CENPF: variants seen among roughly 807,000 people sequenced by gnomAD.
The protein encoded by CENPF is centromere protein F, also known as AH antigen.
CENPF carries 214 observed loss-of-function variants against 307.3 expected under a neutral mutation model. That is an observed-to-expected ratio of 0.70 (90% CI 0.62 to 0.78). CENPF has a LOEUF of 0.78. Among genes scored for constraint, CENPF ranks in the 30% least tolerant of loss-of-function variants. The pLI is 0.00. For missense variants in CENPF, 3,401 were observed against 3,483.9 expected, an observed-to-expected ratio of 0.98 and a Z score of 0.60; for synonymous variants, 1,259 against 1,270.6, an observed-to-expected ratio of 0.99 and a Z score of 0.19.
intron 1 of CENPF, chr1:214,608,279 T>C: frequency 6.5e-7 from 1 of 1,548,648 alleles, no homozygotes; most frequent in Non-Finnish European, 8.7e-7. Context: ...CTCTTGGGTG[T>C]GCCCAGGCTG....
At chr1:214,651,624 A>G in intron 14 of CENPF, 86 bp from the exon 15 acceptor site, 2 of 994,250 alleles carry the variant, frequency 2.0e-6, no homozygotes, top group Non-Finnish European at 2.9e-6. Flanking sequence ...TTTTTTTTCT[A>G]CACAGTACAC....
chr1:214,652,633 AGG>A (rs974079763), intron 15 of CENPF, among the ~76,000 whole-genome samples, 193 bp from the exon 16 acceptor site: 1 of 58,990 alleles, frequency 1.7e-5, no homozygotes, highest in Non-Finnish European at 5.3e-5. Flanking sequence ...TAGTAGAGAC[AGG>A]GGTTTCACCA....
intron 5 of CENPF, among the ~76,000 whole-genome samples, chr1:214,619,706 T>C (rs747700288): frequency 6.6e-5 from 10 of 152,220 alleles, no homozygotes; most frequent in Non-Finnish European, 1.5e-4. Context: ...CTTGATGAGA[T>C]GGCACAATTC....
At chr1:214,662,611 A>G in intron 19 of CENPF, among the ~76,000 whole-genome samples, 1 of 152,174 alleles carries the variant, frequency 6.6e-6, no homozygotes, top group African/African-American at 2.4e-5. Flanking sequence ...TGCTGGACAC[A>G]GATCCTTGTG....
At position 214,619,162 on chromosome 1, in the gene CENPF, A is replaced by G. The variant is rs748425553; in HGVS notation, c.515A>G (p.Asn172Ser). The change falls in exon 5 of 20, where the codon AAT becomes AGT. Residue 172 changes from asparagine (N) to serine (S), a missense_variant. Physicochemically the swap from Asn to Ser is conservative, Grantham distance 46 (BLOSUM62 1). Transcript: ENST00000366955. The stretch of plus-strand genomic sequence containing the variant: ...TATGAAGATCTAAAAGAAAAATATA[A>G]TAAAGAGGTTGAAGAACGAAAAAGA... ...SKYEDLKEKY[N>S]KEVEERKRLE... is the part of the protein sequence containing the mutation. 2 of 1,580,262 alleles carry G rather than the reference A, an allele frequency of 1.3e-6. No homozygotes were observed. Among genetic ancestry groups the G allele is most frequent in the Non-Finnish European group, 1.7e-6 (2 of 1,153,914 alleles).
Position 214,645,969 on chromosome 1 carries a change from G to A in CENPF, c.6399G>A (p.Lys2133=). ...GAGTTCGCATTGAGGCCGATGAAAA[G>A]AAGCAGCTGCACATCGCAGAGAAAC... ...KLRVRIEADE[K]KQLHIAEKLK... is the part of the protein sequence containing the mutation. The change falls in exon 13 of 20, where the codon AAG becomes AAA. Residue 2133 remains lysine (K), a synonymous_variant. Coordinates refer to ENST00000366955, the MANE Select transcript of CENPF (RefSeq NM_016343.4). 6.2e-7 allele frequency: 1 copy of A among 1,614,160 alleles called. No individual in the cohort carries two copies. Among genetic ancestry groups the A allele is most frequent in the South Asian group, 1.1e-5 (1 of 91,088 alleles).
At chr1:214,653,198 G>A in intron 16 of CENPF, 1 of 532,760 alleles carries the variant, frequency 1.9e-6, no homozygotes. Context: ...GCTATCCATT[G>A]CCTCATGCAT....
In CENPF at chr1:214,642,804, G is replaced by T; in HGVS notation, c.4466G>T (p.Ser1489Ile). 6.2e-7 allele frequency: 1 copy of T among 1,613,954 alleles called. No individual in the cohort carries two copies. Among genetic ancestry groups the T allele is most frequent in the Non-Finnish European group, 8.5e-7 (1 of 1,179,966 alleles). The change falls in exon 12 of 20, where the codon AGT (serine) becomes ATT (isoleucine). Residue 1489 changes from serine to isoleucine, a missense_variant. Transcript: ENST00000366955. ...GTGCCTGACAGCTCTAGTCTTAGCA[G>T]TTTGGGAGACTCCTCCTTTTACAGA... The part of the protein sequence containing the change: ...SCVPDSSSLS[S>I]LGDSSFYRAL...
intron 10 of CENPF, among the ~76,000 whole-genome samples, chr1:214,634,327 G>A (rs13376466): frequency 0.039 from 5,942 of 152,274 alleles, 349 homozygotes; most frequent in African/African-American, 0.14. Context: ...GCTGGCTCTT[G>A]TGTTTTGCAT....
chr1:214,612,611 C>T (rs1452813069), intron 1 of CENPF, among the ~76,000 whole-genome samples: 2 of 152,110 alleles, frequency 1.3e-5, no homozygotes, highest in African/African-American at 2.4e-5. Context: ...TAATCAGCAG[C>T]AAGGTGATTA....
At chr1:214,652,789 A>G (rs973213867) in intron 15 of CENPF, 39 bp from the exon 16 acceptor site, 11 of 1,516,568 alleles carry the variant, frequency 7.3e-6, no homozygotes, top group Non-Finnish European at 9.7e-6. Context: ...CCTCCTGGCT[A>G]AAGTAACATT....
In CENPF at chr1:214,646,082, A is replaced by C; in HGVS notation, c.6512A>C (p.Glu2171Ala). The change falls in exon 13 of 20, where the codon GAG becomes GCG. Residue 2171 changes from glutamate (E) to alanine (A), a missense_variant. Glu to Ala is a moderately radical substitution (Grantham distance 107). Coordinates refer to ENST00000366955, the MANE Select transcript of CENPF (RefSeq NM_016343.4). ...TTGCAGATGTCAGAAGAAAACCAGG[A>C]GCTAGTGATTCTTGATGCCGAGAAT... ...RELQMSEENQ[E>A]LVILDAENSK... 6.2e-7 allele frequency: 1 copy of C among 1,614,114 alleles called. No individual in the cohort carries two copies. The highest frequency in any genetic ancestry group is 2.2e-5 in the East Asian group (1 of 44,880).
rs199989471 is a variant in CENPF, at chr1:214,663,656, C to T, written c.9207C>T (p.Ser3069=). 1.8e-5 allele frequency: 29 copies of T among 1,614,070 alleles called. No homozygotes were observed. Among genetic ancestry groups the T allele is most frequent in the African/African-American group, 5.3e-5 (4 of 75,002 alleles). The change falls in exon 20 of 20, where the codon TCC becomes TCT. Residue 3069 remains serine, a synonymous_variant. Transcript: ENST00000366955. ...TCCTCCGAGAACCCACCACGAAATC[C>T]GTCCCAGTCAATAATCTTCCTGAGA... ...GTILREPTTK[S]VPVNNLPERS...
intron 7 of CENPF, among the ~76,000 whole-genome samples, chr1:214,625,880 A>G (rs1210819850): frequency 6.6e-6 from 1 of 152,172 alleles, no homozygotes; most frequent in Non-Finnish European, 1.5e-5. Context: ...CATTTATAAT[A>G]GAATTGTCTT....
Position 214,645,540 on chromosome 1 carries a change from G to C in CENPF, c.5970G>C (p.Glu1990Asp), listed in dbSNP as rs749958851. 5 of 1,613,970 alleles carry C rather than the reference G, an allele frequency of 3.1e-6. No individual in the cohort carries two copies. The East Asian group carries it at 6.7e-5, about 22-fold the overall frequency. ...LSEKMKEKTQ[E>D]LESHQSECLH... The stretch of plus-strand genomic sequence containing the variant: ...AAAAAATGAAGGAGAAAACACAAGA[G>C]CTTGAGTCTCATCAAAGTGAGTGTC... The change falls in exon 13 of 20, where the codon GAG becomes GAC. Residue 1990 changes from glutamate to aspartate, a missense_variant. Transcript: ENST00000366955.
Position 214,640,192 on chromosome 1 carries a change from G to A in CENPF, c.1854G>A (p.Leu618=). The change falls in exon 12 of 20, where the codon CTG becomes CTA. Residue 618 remains leucine, a synonymous_variant. Transcript: ENST00000366955. ...EYEELKEEKT[L]FSCWKSENEK... is the part of the protein sequence containing the mutation. ...AAGAATTGAAAGAAGAGAAAACTCT[G>A]TTTTCTTGTTGGAAAAGTGAAAACG... 1 of 1,597,768 alleles carries A rather than the reference G, an allele frequency of 6.3e-7. No homozygotes were observed. Among genetic ancestry groups the A allele is most frequent in the Middle Eastern group, 1.7e-4 (1 of 5,942 alleles).
chr1:214,636,355 T>A (rs1176799968), intron 10 of CENPF, among the ~76,000 whole-genome samples: 1 of 152,204 alleles, frequency 6.6e-6, no homozygotes, highest in East Asian at 1.9e-4. Context: ...CACTGACTAG[T>A]GTGAATGTTA....
At chr1:214,653,117 T>C (rs1658535167) in intron 16 of CENPF, 128 bp downstream of exon 16, 2 of 842,354 alleles carry the variant, frequency 2.4e-6, no homozygotes, top group Non-Finnish European at 4.1e-6. Context: ...AATGATGTCA[T>C]TCATCAGTTC....
chr1:214,625,195 T>C (rs752004561), intron 7 of CENPF, among the ~76,000 whole-genome samples: 8 of 152,110 alleles, frequency 5.3e-5, no homozygotes, highest in Non-Finnish European at 8.8e-5. Flanking sequence ...TTGGGCCATG[T>C]TTTTCAATAT....
Sources: gnomAD v4.1 joint callset for allele counts (sites outside exome capture counted in the v4.1 genomes callset) on GRCh38, gnomAD v4.1.1 for gene constraint, MANE v1.5 for transcripts, NCBI Gene and HGNC (gene_info 2026-07-23, HGNC 2026-07-21) for gene names.